CDK8: variants seen among roughly 807,000 people sequenced by gnomAD.
CDK8 encodes the protein cyclin-dependent kinase 8.
Under a neutral mutation model 71.5 loss-of-function variants are expected in CDK8, and 29 were observed. The observed-to-expected ratio is 0.41, with a 90% confidence interval of 0.30 to 0.55. The LOEUF (loss-of-function observed/expected upper bound fraction) is 0.55. Among genes scored for constraint, CDK8 ranks in the 20% least tolerant of loss-of-function variants. The pLI is 0.37. For synonymous variants in CDK8, 161 were observed against 192.1 expected (o/e 0.84, Z 1.34); for missense variants, 288 against 572.6 (o/e 0.50, Z 5.07).
At chr13:26,294,734 T>TTTGTTTTG in intron 1 of CDK8, among the ~76,000 whole-genome samples, 1 of 152,198 alleles carries the variant, frequency 6.6e-6, no homozygotes, top group Non-Finnish European at 1.5e-5. Context: ...GGTTCTTTGT[T>TTTGTTTTG]CATGATAGTT....
chr13:26,299,703 T>A (rs1245237500), intron 1 of CDK8, among the ~76,000 whole-genome samples: 1 of 152,196 alleles, frequency 6.6e-6, no homozygotes, highest in Non-Finnish European at 1.5e-5. Flanking sequence ...TTTTCTTGTT[T>A]CATCTGAAGA....
intron 1 of CDK8, among the ~76,000 whole-genome samples, chr13:26,315,697 C>T (rs1374577668): frequency 6.6e-6 from 1 of 152,124 alleles, no homozygotes; most frequent in African/African-American, 2.4e-5. Context: ...TTGAGGCTTG[C>T]TTTCTAGCCA....
chr13:26,327,214 C>T (rs187145426), intron 1 of CDK8, among the ~76,000 whole-genome samples: 67 of 152,068 alleles, frequency 4.4e-4, no homozygotes, highest in South Asian at 2.1e-4. Context: ...ATTTATACAG[C>T]CCAAATTTCT....
At chr13:26,293,697 T>G (rs1318571528) in intron 1 of CDK8, among the ~76,000 whole-genome samples, 1 of 151,998 alleles carries the variant, frequency 6.6e-6, no homozygotes, top group Non-Finnish European at 1.5e-5. Context: ...CAGTTTTAAT[T>G]GATAAATATT....
chr13:26,268,591 C>G (rs1172849691), intron 1 of CDK8, among the ~76,000 whole-genome samples: 17 of 152,130 alleles, frequency 1.1e-4, no homozygotes. Flanking sequence ...GCTAGGACTA[C>G]AGGCACAGGC....
Position 26,371,852 on chromosome 13 carries a change from A to G in CDK8, c.457-10962A>G, listed in dbSNP as rs368128032. On this transcript the variant is annotated intron_variant, in intron 4 of 12. Coordinates refer to ENST00000381527, the MANE Select transcript of CDK8 (RefSeq NM_001260.3). ...AGGCTGGTCTCGAAATCCTGACCTC[A>G]AGTTATCCGCCCGCCTCAGCCTCCC... Among the ~76,000 whole-genome samples the G allele has an allele frequency of 2.0e-4, 30 of 152,214 alleles. No individual in the cohort carries two copies. In the East Asian group the frequency reaches 4.6e-3, roughly 24 times the overall value.
chr13:26,274,047 A>G lies in CDK8; in HGVS notation c.128+19278A>G, dbSNP rs548209369. Among the ~76,000 whole-genome samples the G allele has an allele frequency of 1.2e-3, 177 of 152,286 alleles. 2 individuals carry two copies. Among genetic ancestry groups the G allele is most frequent in the Non-Finnish European group, 2.1e-3 (146 of 68,002 alleles). ...TTGTACTTTAAAAAACATTTAGCAT[A>G]GTTTCACTTTTTCATTACATTTAAA... On this transcript the variant is annotated intron_variant, in intron 1 of 12. Transcript: ENST00000381527.
chr13:26,306,097 A>G (rs1039052435), intron 1 of CDK8, among the ~76,000 whole-genome samples: 8 of 152,190 alleles, frequency 5.3e-5, no homozygotes, highest in African/African-American at 1.9e-4. Context: ...CTAGGACTAC[A>G]TTAGTCTGTT....
intron 6 of CDK8, among the ~76,000 whole-genome samples, chr13:26,388,939 T>C (rs1875609303): frequency 6.6e-6 from 1 of 152,198 alleles, no homozygotes. Context: ...GGCCTTACCC[T>C]GAAGAGATTT....
chr13:26,336,550 C>CTTTTTTTTTTT (rs1227344754), intron 1 of CDK8, among the ~76,000 whole-genome samples: 3 of 121,204 alleles, frequency 2.5e-5, no homozygotes, highest in African/African-American at 9.7e-5. Context: ...TCTGAGGAGT[C>CTTTTTTTTTTT]TTTTTTTTTT....
intron 6 of CDK8, among the ~76,000 whole-genome samples, chr13:26,391,464 A>G (rs1875742875): frequency 6.6e-6 from 1 of 151,608 alleles, no homozygotes; most frequent in Non-Finnish European, 1.5e-5. Context: ...TCCTTTACAT[A>G]TTTTATTTTC....
intron 1 of CDK8, among the ~76,000 whole-genome samples, chr13:26,302,306 C>T (rs1315670449): frequency 6.6e-6 from 1 of 152,182 alleles, no homozygotes; most frequent in East Asian, 1.9e-4. Flanking sequence ...ATTTCTAAAA[C>T]TCGTTGGTTT....
chr13:26,358,229 G>T (rs567913166), intron 4 of CDK8, among the ~76,000 whole-genome samples: 33 of 152,214 alleles, frequency 2.2e-4, no homozygotes, highest in Non-Finnish European at 2.9e-4. Flanking sequence ...AACCCAGGAG[G>T]CAGAGCTTGC....
At position 26,375,613 on chromosome 13, in the gene CDK8, A is replaced by C. The variant is rs114252796; in HGVS notation, c.457-7201A>C. ...ACAACAGTGTAAACATATATGCACA[A>C]AGTTCATTGCAGCATTGTTTCTTAA... is the stretch of plus-strand genomic sequence containing the variant. On this transcript the variant is annotated intron_variant, in intron 4 of 12. Coordinates refer to ENST00000381527, the MANE Select transcript of CDK8 (RefSeq NM_001260.3). Among the ~76,000 whole-genome samples the C allele has an allele frequency of 5.4e-3, 827 of 152,338 alleles. 7 individuals are homozygous for C. Among genetic ancestry groups the C allele is most frequent in the African/African-American group, 0.019 (772 of 41,570 alleles).
chr13:26,339,671 G>C (rs1452306886), intron 2 of CDK8, among the ~76,000 whole-genome samples: 1 of 145,232 alleles, frequency 6.9e-6, no homozygotes, highest in African/African-American at 2.5e-5. Context: ...AGACTTTCAA[G>C]CCAGCGGAAA....
chr13:26,360,011 T>C (rs985080929), intron 4 of CDK8, among the ~76,000 whole-genome samples: 1 of 151,698 alleles, frequency 6.6e-6, no homozygotes, highest in African/African-American at 2.4e-5. Context: ...CCATTGCACC[T>C]GGCCTGGCCT....
In CDK8 at chr13:26,383,553, AGTTT is replaced by A. The variant is rs1337769107; in HGVS notation, c.514+687_514+690del. Among the ~76,000 whole-genome samples the A allele has an allele frequency of 2.0e-4, 31 of 151,950 alleles. 1 individual carries two copies. The highest frequency in any genetic ancestry group is 7.5e-4 in the African/African-American group (31 of 41,354). ...CAAGTTGTGTTTGTCACATATATTTAGTTTGTTTTGTGTATTTGTAGAAGAAATG... is the reference window on the plus strand; with the variant it reads ...CAAGTTGTGTTTGTCACATATATTTAGTTTTGTGTATTTGTAGAAGAAATG... On this transcript the variant is annotated intron_variant, in intron 5 of 12. Transcript: ENST00000381527.
At chr13:26,288,102 A>C (rs1873110196) in intron 1 of CDK8, among the ~76,000 whole-genome samples, 3 of 152,062 alleles carry the variant, frequency 2.0e-5, no homozygotes, top group African/African-American at 7.2e-5. Context: ...AGCTGGGACT[A>C]TAGGCACGTG....
chr13:26,266,339 G>A (rs530739273), intron 1 of CDK8, among the ~76,000 whole-genome samples: 1 of 152,292 alleles, frequency 6.6e-6, no homozygotes, highest in Admixed American at 6.5e-5. Flanking sequence ...TAGGGAGAGT[G>A]TATAGAGCAA....
Sources: gnomAD v4.1 joint callset for allele counts (sites outside exome capture counted in the v4.1 genomes callset) on GRCh38, gnomAD v4.1.1 for gene constraint, MANE v1.5 for transcripts, NCBI Gene and HGNC (gene_info 2026-07-23, HGNC 2026-07-21) for gene names.